Variants in ESR1 observed in about 807,000 individuals in gnomAD.
The protein encoded by ESR1 is estrogen receptor.
In ESR1, 12 loss-of-function variants were observed where a neutral mutation model predicts 52.7. The observed-to-expected ratio is 0.23, with a 90% CI of 0.15 to 0.37. ESR1 has a LOEUF of 0.37. Ranked by LOEUF, ESR1 falls within the 10% of genes least tolerant of loss-of-function variation. The pLI is 1.00. For missense variants in ESR1, 584 were observed against 779.7 expected, an observed-to-expected ratio of 0.75 and a Z score of 2.99; for synonymous variants, 305 against 316.8, an observed-to-expected ratio of 0.96 and a Z score of 0.39.
intron 1 of ESR1, among the ~76,000 whole-genome samples, chr6:151,816,204 A>G (rs1227734372): frequency 6.6e-6 from 1 of 152,204 alleles, no homozygotes; most frequent in African/African-American, 2.4e-5. Flanking sequence ...TTTCCCCTCA[A>G]TGCAATGGTT....
In ESR1 at chr6:151,821,961, G is replaced by A. The variant is rs557319345; in HGVS notation, c.452+13597G>A. On this transcript the variant is annotated intron_variant, in intron 1 of 7. Transcript: ENST00000206249. ...TATAACTAATGTCCCCGTTACATGT[G>A]TTAAAGAAAGGCATGGCTGGTGGGT... Among the ~76,000 whole-genome samples the A allele has an allele frequency of 3.3e-5, 5 of 152,288 alleles. No individual in the cohort carries two copies. The South Asian group carries it at 1.0e-3, about 32-fold the overall frequency.
chr6:151,999,867 ACTTAAAAC>A (rs1278567210), intron 4 of ESR1, among the ~76,000 whole-genome samples: 2 of 152,056 alleles, frequency 1.3e-5, no homozygotes, highest in Admixed American at 1.3e-4. Flanking sequence ...TGTTTTATGC[ACTTAAAAC>A]CTTAATCTGA....
intron 5 of ESR1, among the ~76,000 whole-genome samples, chr6:152,057,919 G>C (rs578142021): frequency 6.6e-6 from 1 of 152,084 alleles, no homozygotes; most frequent in Non-Finnish European, 1.5e-5. Context: ...CGAGCTCTTC[G>C]TGGGAAACTA....
chr6:151,737,743 C>T (rs1782786152), intron 2 of ESR1, among the ~76,000 whole-genome samples: 1 of 152,118 alleles, frequency 6.6e-6, no homozygotes, highest in Non-Finnish European at 1.5e-5. Context: ...TAAGGGTACA[C>T]ACACAAATAA....
intron 6 of ESR1, among the ~76,000 whole-genome samples, chr6:152,078,412 C>T (rs564998229): frequency 1.3e-5 from 2 of 152,306 alleles, no homozygotes; most frequent in South Asian, 4.1e-4. Context: ...CATAAGACCT[C>T]TCTTTGCAGT....
intron 1 of ESR1, among the ~76,000 whole-genome samples, chr6:151,664,635 A>C (rs1416059120): frequency 1.3e-5 from 2 of 152,216 alleles, no homozygotes; most frequent in African/African-American, 4.8e-5. Context: ...GCCTGATGAA[A>C]ACCGTTAACA....
intron 1 of ESR1, among the ~76,000 whole-genome samples, chr6:151,840,433 G>A (rs1466727207): frequency 1.3e-5 from 2 of 152,198 alleles, no homozygotes; most frequent in Non-Finnish European, 2.9e-5. Context: ...TCCTATTTGA[G>A]GCTGCCAACC....
intron 5 of ESR1, among the ~76,000 whole-genome samples, chr6:152,012,808 C>T (rs1236437558): frequency 6.6e-6 from 1 of 152,162 alleles, no homozygotes; most frequent in Non-Finnish European, 1.5e-5. Flanking sequence ...TATTTTGCCT[C>T]CGTGCCAAGC....
chr6:151,879,485 A>G (rs977406453), intron 2 of ESR1, among the ~76,000 whole-genome samples: 1 of 152,128 alleles, frequency 6.6e-6, no homozygotes, highest in East Asian at 1.9e-4. Flanking sequence ...GTTAGAGAGC[A>G]TGTGGGGCAA....
At chr6:152,124,874 G>A (rs552505932) in intron 6 of ESR1, among the ~76,000 whole-genome samples, 29 of 152,294 alleles carry the variant, frequency 1.9e-4, no homozygotes, top group African/African-American at 7.0e-4. Context: ...AGTAGCTAAG[G>A]ACAGTTCATG....
At chr6:152,029,974 G>A (rs2044530620) in intron 5 of ESR1, among the ~76,000 whole-genome samples, 1 of 152,186 alleles carries the variant, frequency 6.6e-6, no homozygotes, top group Non-Finnish European at 1.5e-5. Flanking sequence ...AGAAGAGAGT[G>A]GGGGCCGATA....
chr6:151,899,971 G>A (rs924479706), intron 3 of ESR1, among the ~76,000 whole-genome samples: 3 of 151,996 alleles, frequency 2.0e-5, no homozygotes, highest in African/African-American at 7.2e-5. Flanking sequence ...AGGCAGAGAC[G>A]CTCCTCACTT....
chr6:152,125,510 A>T lies in ESR1; in HGVS notation c.*162A>T. 2 of 1,058,972 alleles carry T rather than the reference A, an allele frequency of 1.9e-6. 1 individual carries two copies. The highest frequency in any genetic ancestry group is 4.1e-5 in the South Asian group (2 of 49,138). 65.6% of individuals were successfully genotyped at this position (1,058,972 alleles called of 1,614,324 possible). ...GCAATGATTCAATGGTTTGCCTTAA[A>T]GTGTCTTAAGAAGGATAGGATAGCT... On this transcript the variant is annotated 3_prime_UTR_variant, in exon 7 of 7. Coordinates refer to the ESR1 transcript ENST00000427531.
chr6:151,948,923 G>A (rs1394345385), intron 4 of ESR1, among the ~76,000 whole-genome samples: 1 of 152,138 alleles, frequency 6.6e-6, no homozygotes, highest in Non-Finnish European at 1.5e-5. Flanking sequence ...GCAGATTTGA[G>A]CTCAGGAAGT....
chr6:151,936,170 A>T (rs2034332206), intron 3 of ESR1: 1 of 152,236 alleles, frequency 6.6e-6, no homozygotes, highest in African/African-American at 2.4e-5. Context: ...TCTGTATCAG[A>T]GAGCATCATT....
exon 7 of ESR1, chr6:152,128,692 A>C (rs565847320): frequency 3.5e-4 from 54 of 152,368 alleles, no homozygotes; most frequent in African/African-American, 1.3e-3. Context: ...AGACTGCTGG[A>C]AACAACATTC....
chr6:151,939,796 G>A (rs1402251491), intron 3 of ESR1, among the ~76,000 whole-genome samples: 1 of 151,628 alleles, frequency 6.6e-6, no homozygotes, highest in South Asian at 2.1e-4. Context: ...TGTTTTGTTT[G>A]TTAAGTTTGT....
chr6:151,881,046 G>A (rs567968672), intron 3 of ESR1, among the ~76,000 whole-genome samples: 51 of 152,248 alleles, frequency 3.3e-4, no homozygotes, highest in African/African-American at 1.1e-3. Context: ...TGTGGGAGGC[G>A]GTGATGGAAG....
intron 3 of ESR1, among the ~76,000 whole-genome samples, chr6:151,895,856 G>A (rs977944981): frequency 2.6e-5 from 4 of 152,156 alleles, no homozygotes; most frequent in African/African-American, 9.7e-5. Context: ...AGGCTGGAGT[G>A]TAGTGGCACT....
Sources: gnomAD v4.1 joint callset for allele counts (sites outside exome capture counted in the v4.1 genomes callset) on GRCh38, gnomAD v4.1.1 for gene constraint, MANE v1.5 for transcripts, NCBI Gene and HGNC (gene_info 2026-07-23, HGNC 2026-07-21) for gene names.